The following PRPSAP2 variants were observed in gnomAD, a reference collection of about 807,000 sequenced individuals.
PRPSAP2 encodes the protein phosphoribosyl pyrophosphate synthase-associated protein 2.
Under a neutral mutation model 40.6 loss-of-function variants are expected in PRPSAP2, and 24 were observed. That is an observed-to-expected ratio of 0.59 (90% confidence interval 0.43 to 0.83). The LOEUF (loss-of-function observed/expected upper bound fraction) is 0.83. Among genes scored for constraint, PRPSAP2 ranks in the 40% least tolerant of loss-of-function variants. The probability of loss-of-function intolerance (pLI) is 0.00; values close to 1 mark genes in which losing one functional copy is unlikely to be tolerated. For missense variants in PRPSAP2, 292 were observed against 465.6 expected (o/e 0.63, Z 3.43); for synonymous variants, 149 against 164.7 (o/e 0.90, Z 0.73).
intron 7 of PRPSAP2, among the ~76,000 whole-genome samples, chr17:18,883,403 C>CTT (rs3043912): frequency 0.43 from 57,818 of 134,024 alleles, 12,853 homozygotes; most frequent in Middle Eastern, 0.49. Flanking sequence ...GTTTTTCTTT[C>CTT]TTTTTTTTTT....
chr17:18,886,745 A>G (rs1292571730), intron 7 of PRPSAP2, among the ~76,000 whole-genome samples: 2 of 151,988 alleles, frequency 1.3e-5, no homozygotes, highest in African/African-American at 4.8e-5. Flanking sequence ...TCCTTTTCAC[A>G]GTTTGACCTA....
upstream of PRPSAP2, chr17:18,856,606 A>G (rs2036604887): frequency 6.6e-6 from 1 of 152,236 alleles, no homozygotes; most frequent in African/African-American, 2.4e-5. Flanking sequence ...ACGTTGAACC[A>G]TAAAGACTCT....
intron 5 of PRPSAP2, 142 bp downstream of exon 5, chr17:18,872,791 T>C: frequency 3.1e-6 from 2 of 647,606 alleles, no homozygotes; most frequent in Admixed American, 2.8e-5. Flanking sequence ...GAAAACTAAG[T>C]TTTCTGACAT....
intron 5 of PRPSAP2, among the ~76,000 whole-genome samples, chr17:18,873,265 C>CTTACCGCAACCTCGGT (rs2038031609): frequency 6.8e-6 from 1 of 146,540 alleles, no homozygotes; most frequent in Non-Finnish European, 1.5e-5. Flanking sequence ...GCGATCTCGG[C>CTTACCGCAACCTCGGT]TTACCGCAAC....
rs558418509 is a variant in PRPSAP2, at chr17:18,882,517, A to C, written c.413-51A>C. 105 of 1,295,890 alleles carry C rather than the reference A, an allele frequency of 8.1e-5. 1 individual carries two copies. The highest frequency in any genetic ancestry group is 7.4e-4 in the East Asian group (32 of 43,198). The allele number at this position is 1,295,890 out of a possible 1,614,324, so 80.3% of individuals were successfully genotyped here. ...CAGAATGGGATCCCATCTTAAAAAA[A>C]AAAAACAAAAACAAAACTATTTATT... On this transcript the variant is annotated intron_variant, in intron 6 of 11. Transcript: ENST00000268835.
Position 18,928,976 on chromosome 17 carries a change from GT to G in PRPSAP2, c.951+20del. On this transcript the variant is annotated intron_variant, in intron 11 of 11. Transcript: ENST00000268835. ...TGATGAGGTAACAGGGTCTGGGTGT[GT>G]GTGGGTACAGCTGCCTGGGCTTTTG... is the stretch of plus-strand genomic sequence containing the variant. The G allele has an allele frequency of 6.2e-7, 1 of 1,607,426 alleles. No individual in the cohort carries two copies. Among genetic ancestry groups the G allele is most frequent in the Middle Eastern group, 1.7e-4 (1 of 5,974 alleles).
At chr17:18,874,325 G>A (rs973351208) in intron 5 of PRPSAP2, among the ~76,000 whole-genome samples, 4 of 152,128 alleles carry the variant, frequency 2.6e-5, no homozygotes, top group African/African-American at 4.8e-5. Flanking sequence ...AGTTTGTCTA[G>A]TGCATTATTT....
intron 6 of PRPSAP2, among the ~76,000 whole-genome samples, chr17:18,880,459 T>C (rs1010747152): frequency 2.0e-5 from 3 of 151,978 alleles, no homozygotes; most frequent in Admixed American, 1.3e-4. Flanking sequence ...GGTGCAGTGG[T>C]GTGATCACTG....
In PRPSAP2 at chr17:18,902,738, G is replaced by T. The variant is rs28488952; in HGVS notation, c.585-8365G>T. Among the ~76,000 whole-genome samples the T allele has an allele frequency of 5.4e-3, 813 of 151,866 alleles. 13 individuals are homozygous for T. The highest frequency in any genetic ancestry group is 0.019 in the African/African-American group (789 of 41,396). ...TACAAAATTAGCGGGGCATGGTGGC[G>T]CACGCCTGTAATCCCAGCTACTTGG... On this transcript the variant is annotated intron_variant, in intron 8 of 11. Transcript: ENST00000268835.
At position 18,886,929 on chromosome 17, in the gene PRPSAP2, C is replaced by CTTTTTTTTTT. The variant is rs71155365; in HGVS notation, c.529-2878_529-2869dup. ...CATACATGATAATTTTTCTTTTCTTCTTTTTTTTTTTTTTTTTTTTTTTTG... is the reference window on the plus strand; with the variant it reads ...CATACATGATAATTTTTCTTTTCTTCTTTTTTTTTTTTTTTTTTTTTTTTTTTTTTTTTTG... On this transcript the variant is annotated intron_variant, in intron 7 of 11. Transcript: ENST00000268835. Among the ~76,000 whole-genome samples the CTTTTTTTTTT allele has an allele frequency of 6.1e-4, 46 of 75,384 alleles. 1 individual carries two copies. Among genetic ancestry groups the CTTTTTTTTTT allele is most frequent in the African/African-American group, 7.6e-4 (14 of 18,522 alleles). 49.5% of individuals were successfully genotyped at this position (75,384 alleles called of 152,430 possible).
rs1420158742 is a variant in PRPSAP2 at position 18,911,024 on chromosome 17, C to G, written c.585-79C>G. On this transcript the variant is annotated intron_variant, in intron 8 of 11. Transcript: ENST00000268835. The surrounding 1 kb of genome is among the most constrained non-coding windows in gnomAD (Gnocchi z 4.5). The stretch of plus-strand genomic sequence containing the variant: ...GGAGACAACATTCTACTTATGTTCT[C>G]TTAATGTTTTGTCCCCTAGGCATTA... 2 of 1,437,470 alleles carry G rather than the reference C, an allele frequency of 1.4e-6. No individual in the cohort carries two copies. The highest frequency in any genetic ancestry group is 2.8e-5 in the African/African-American group (2 of 70,440). 89.0% of individuals were successfully genotyped at this position (1,437,470 alleles called of 1,614,324 possible). A position where few individuals can be genotyped will look rare whatever the true frequency, so the allele number is the denominator to read the frequency against.
At chr17:18,902,840 G>A (rs1050135250) in intron 8 of PRPSAP2, among the ~76,000 whole-genome samples, 1 of 132,578 alleles carries the variant, frequency 7.5e-6, no homozygotes, top group African/African-American at 2.9e-5. Context: ...TTGTACTCCA[G>A]CCTGGGTGAC....
chr17:18,916,376 A>ATTT (rs1160254744), intron 9 of PRPSAP2, among the ~76,000 whole-genome samples: 1 of 137,724 alleles, frequency 7.3e-6, no homozygotes. Context: ...TAGACTTGGT[A>ATTT]TTTTTTTTTT....
intron 8 of PRPSAP2, among the ~76,000 whole-genome samples, chr17:18,891,997 C>G (rs1305377891): frequency 6.6e-6 from 1 of 152,240 alleles, no homozygotes; most frequent in Non-Finnish European, 1.5e-5. Context: ...GCTGGAATTA[C>G]AGGTGCATGC....
chr17:18,877,389 T>A (rs2038378259), intron 5 of PRPSAP2, among the ~76,000 whole-genome samples: 1 of 151,986 alleles, frequency 6.6e-6, no homozygotes, highest in African/African-American at 2.4e-5. Context: ...GGGATTAATT[T>A]TAGGGCCACT....
intron 10 of PRPSAP2, among the ~76,000 whole-genome samples, chr17:18,926,802 G>GTA (rs979674715): frequency 2.7e-4 from 40 of 149,636 alleles, no homozygotes; most frequent in Non-Finnish European, 3.6e-4. Flanking sequence ...GTGTGTGTGT[G>GTA]TTTGTGTTTG....
Position 18,864,332 on chromosome 17 carries a change from T to C in PRPSAP2, c.-128-1137T>C, listed in dbSNP as rs993023604. Among the ~76,000 whole-genome samples the C allele has an allele frequency of 4.6e-5, 7 of 151,882 alleles. No individual in the cohort carries two copies. In the East Asian group the frequency reaches 1.4e-3, roughly 30 times the overall value. Reference sequence around the variant, plus strand: ...TTTCTGAGACGGAGTCTCGCTCTGTTGCCCAGGCTGGAGTACAGTGGTGCA... The same window carrying C: ...TTTCTGAGACGGAGTCTCGCTCTGTCGCCCAGGCTGGAGTACAGTGGTGCA... On this transcript the variant is annotated intron_variant, in intron 1 of 11. Transcript: ENST00000268835.
chr17:18,891,413 CAAG>C (rs2039538153), intron 8 of PRPSAP2, among the ~76,000 whole-genome samples: 2 of 152,162 alleles, frequency 1.3e-5, no homozygotes, highest in Non-Finnish European at 2.9e-5. Context: ...ATGTGTCCTT[CAAG>C]AAGTTGTATC....
intron 9 of PRPSAP2, among the ~76,000 whole-genome samples, chr17:18,915,822 A>AT (rs373945656): frequency 0.014 from 2,031 of 144,108 alleles, 42 homozygotes; most frequent in African/African-American, 0.042. Flanking sequence ...CTGGGGATCA[A>AT]TTTTTTTTTT....
Sources: gnomAD v4.1 joint callset for allele counts (sites outside exome capture counted in the v4.1 genomes callset) on GRCh38, gnomAD v4.1.1 for gene constraint, Gnocchi (gnomAD v3.1) non-coding constraint, MANE v1.5 for transcripts, NCBI Gene and HGNC (gene_info 2026-07-23, HGNC 2026-07-21) for gene names.